Variants in MYT1 observed in about 807,000 individuals in gnomAD.
MYT1 encodes the protein myelin transcription factor 1, also known as myelin transcription factor I.
MYT1 carries 23 observed loss-of-function variants against 123.0 expected under a neutral mutation model. The observed-to-expected ratio is 0.19, with a 90% CI of 0.13 to 0.26. MYT1 has a LOEUF of 0.26. Ranked by LOEUF, MYT1 falls within the 10% of genes least tolerant of loss-of-function variation. The pLI is 1.00. For synonymous variants in MYT1, 518 were observed against 575.3 expected (o/e 0.90, Z 1.43); for missense variants, 1,125 against 1,472.5 (o/e 0.76, Z 3.86).
rs370390414 is a variant in MYT1, at chr20:64,220,716, C to G, written c.2241+734C>G. 1.7e-3 allele frequency among the ~76,000 whole-genome samples: 262 copies of G among 152,326 alleles called. 15 individuals are homozygous for G. In the South Asian group the frequency reaches 0.053, roughly 31 times the overall value. ...TCCCTCTCCTTCCCCTCCCCCAAAG[C>G]CCCTCAGGAGGTGGAAGGGGTCCCT... On this transcript the variant is annotated intron_variant, in intron 13 of 22. Transcript: ENST00000328439.
chr20:64,193,379 C>T lies in MYT1; in HGVS notation c.-1+3219C>T, dbSNP rs1187397000. ...AGGGCTGTGGATGCAGCAGAAGATC[C>T]TCCTGGGATACTCGGGAGGGGAGCA... On this transcript the variant is annotated intron_variant, in intron 2 of 22. Coordinates refer to ENST00000328439, the MANE Select transcript of MYT1 (RefSeq NM_004535.3). The surrounding 1 kb of genome is among the most constrained non-coding windows in gnomAD (Gnocchi z 4.0). 1.3e-5 allele frequency among the ~76,000 whole-genome samples: 2 copies of T among 152,120 alleles called. No individual in the cohort carries two copies. Among genetic ancestry groups the T allele is most frequent in the Non-Finnish European group, 2.9e-5 (2 of 68,016 alleles).
At position 64,212,209 on chromosome 20, in the gene MYT1, T is replaced by G. The variant is rs1167171847; in HGVS notation, c.1517+71T>G. 93 of 33,684 alleles carry G rather than the reference T, an allele frequency of 2.8e-3. 1 individual carries two copies. The highest frequency in any genetic ancestry group is 9.8e-3 in the East Asian group (5 of 508). The allele number at this position is 33,684 out of a possible 1,614,324, so 2.1% of individuals were successfully genotyped here. ...GTGGTGGGGGCCAGGGTGGGGGCCG[T>G]GGTGGGGGCCAGGGTGGGGGCCGTG... On this transcript the variant is annotated intron_variant, in intron 9 of 22. Transcript: ENST00000328439. The surrounding 1 kb of genome is among the most constrained non-coding windows in gnomAD (Gnocchi z 6.8).
At position 64,203,785 on chromosome 20, in the gene MYT1, G is replaced by A. The variant is rs1983396522; in HGVS notation, c.87-1250G>A. 6.6e-6 allele frequency among the ~76,000 whole-genome samples: 1 copy of A among 152,222 alleles called. No individual in the cohort carries two copies. On this transcript the variant is annotated intron_variant, in intron 4 of 22. Coordinates refer to ENST00000328439, the MANE Select transcript of MYT1 (RefSeq NM_004535.3). The surrounding 1 kb of genome is among the most constrained non-coding windows in gnomAD (Gnocchi z 5.1). ...TCTGCAGTCAGGCCTGTGATCAGTC[G>A]AATTAGAAACGATCAGAGGTGTCTG...
In MYT1 at chr20:64,241,391, A is replaced by T. The variant is rs2145740724; in HGVS notation, c.*943A>T. The T allele has an allele frequency of 6.6e-6, 1 of 152,660 alleles. No homozygotes were observed. Among genetic ancestry groups the T allele is most frequent in the Non-Finnish European group, 1.5e-5 (1 of 68,038 alleles). The allele number at this position is 152,660 out of a possible 1,614,324, so 9.5% of individuals were successfully genotyped here. ...TTTAGATCCATCCAATATGCGAAAA[A>T]AGGGTACATTTTAATTTAATGTGTT... On this transcript the variant is annotated 3_prime_UTR_variant, in exon 23 of 23. Transcript: ENST00000328439. The surrounding 1 kb of genome is among the most constrained non-coding windows in gnomAD (Gnocchi z 4.2).
In MYT1 at chr20:64,225,012, C is replaced by T. The variant is rs545655950; in HGVS notation, c.2528+1653C>T. On this transcript the variant is annotated intron_variant, in intron 16 of 22. Transcript: ENST00000328439. ...TAACGCCAAACTTCTTTAGAAATAA[C>T]GACCAAAAGCCTCCCCTGTGTGAAA... is the stretch of plus-strand genomic sequence containing the variant. Among the ~76,000 whole-genome samples the T allele has an allele frequency of 1.1e-4, 17 of 152,276 alleles. 1 individual carries two copies. The South Asian group carries it at 1.7e-3, about 15-fold the overall frequency.
At chr20:64,226,588 G>C (rs969214181) in intron 16 of MYT1, among the ~76,000 whole-genome samples, 4 of 152,140 alleles carry the variant, frequency 2.6e-5, no homozygotes, top group Non-Finnish European at 5.9e-5. Flanking sequence ...GACGGGGGAT[G>C]GATCTACCCG....
chr20:64,219,659 G>A (rs1983938015), intron 12 of MYT1, 54 bp from the exon 13 acceptor site: 2 of 1,467,512 alleles, frequency 1.4e-6, no homozygotes, highest in Non-Finnish European at 1.9e-6. Flanking sequence ...TGGACCAGAA[G>A]GCACACATGG....
rs1486235952 is a variant in MYT1 at position 64,236,611 on chromosome 20, A to C, written c.2954A>C (p.Asp985Ala). Reference sequence around the variant, plus strand: ...GGAAAGAAGGGAAAACTGTCAGGGGATGAGGTCCTCAGTCCAAAGTTCAAG... The same window carrying C: ...GGAAAGAAGGGAAAACTGTCAGGGGCTGAGGTCCTCAGTCCAAAGTTCAAG... ...FAGKKGKLSG[D>A]EVLSPKFKTS... Residue 985 changes from aspartate to alanine, a missense_variant, in exon 20 of 23, where the codon GAT (aspartate) becomes GCT (alanine). This residue lies in a region of MYT1 where 243 missense variants were observed against 323.1 expected (regional missense o/e 0.75). Transcript: ENST00000328439. 1.2e-6 allele frequency: 2 copies of C among 1,613,722 alleles called. No homozygotes were observed. Among genetic ancestry groups the C allele is most frequent in the South Asian group, 2.2e-5 (2 of 91,084 alleles).
In MYT1 at chr20:64,232,130, G is replaced by A. The variant is rs772255645; in HGVS notation, c.2676-34G>A. The A allele has an allele frequency of 9.4e-6, 15 of 1,604,158 alleles. No individual in the cohort carries two copies. Among genetic ancestry groups the A allele is most frequent in the South Asian group, 2.2e-5 (2 of 90,912 alleles). ...TCCAGGCTTCTCCTCCCAACCCTTC[G>A]CCCCTGTACTCACCCCGGCCTCTCT... is the stretch of plus-strand genomic sequence containing the variant. On this transcript the variant is annotated intron_variant, in intron 18 of 22. Transcript: ENST00000328439. This position sits in a 1 kb window ranked among gnomAD's most constrained non-coding sequence, Gnocchi z 6.9.
intron 1 of MYT1, among the ~76,000 whole-genome samples, 200 bp downstream of exon 1, chr20:64,164,939 G>A (rs1982038884): frequency 6.6e-6 from 1 of 152,048 alleles, no homozygotes; most frequent in Admixed American, 6.6e-5. Flanking sequence ...CTGGCCTGCC[G>A]TGTGCTGTTT....
Position 64,212,771 on chromosome 20 carries a change from A to G in MYT1, c.1517+633A>G, listed in dbSNP as rs937562592. ...AGCTTCCCGACCACCCTCGAGGTGT[A>G]GTTGTTGACTGGTCTTCTATGGTGA... is the stretch of plus-strand genomic sequence containing the variant. On this transcript the variant is annotated intron_variant, in intron 9 of 22. Transcript: ENST00000328439. This position sits in a 1 kb window ranked among gnomAD's most constrained non-coding sequence, Gnocchi z 6.8. 1.3e-5 allele frequency among the ~76,000 whole-genome samples: 2 copies of G among 151,838 alleles called. No individual in the cohort carries two copies. Among genetic ancestry groups the G allele is most frequent in the East Asian group, 1.9e-4 (1 of 5,150 alleles).
chr20:64,200,878 G>C lies in MYT1; in HGVS notation c.86+956G>C, dbSNP rs546972378. ...CGTGTGCCAGCACTTCCGGTCTGGG[G>C]TCCTCAGCATCACACCGGGTGCTCC... is the stretch of plus-strand genomic sequence containing the variant. On this transcript the variant is annotated intron_variant, in intron 4 of 22. Transcript: ENST00000328439. 3.3e-5 allele frequency among the ~76,000 whole-genome samples: 5 copies of C among 152,336 alleles called. No homozygotes were observed. The South Asian group carries it at 1.0e-3, about 32-fold the overall frequency.
At chr20:64,210,086 T>G (rs1478690498) in intron 7 of MYT1, among the ~76,000 whole-genome samples, 1 of 152,074 alleles carries the variant, frequency 6.6e-6, no homozygotes, top group Non-Finnish European at 1.5e-5. Flanking sequence ...CAGAATTTGG[T>G]GGGACACATA....
In MYT1 at chr20:64,202,753, G is replaced by A. The variant is rs1417943109; in HGVS notation, c.87-2282G>A. 6.6e-6 allele frequency among the ~76,000 whole-genome samples: 1 copy of A among 152,182 alleles called. No homozygotes were observed. Among genetic ancestry groups the A allele is most frequent in the Admixed American group, 6.5e-5 (1 of 15,286 alleles). ...TGTCATGCAGGATGCCAGCTGAGGGGTGACTGTGGGCCACACCCTCTTCCC... is the reference window on the plus strand; with the variant it reads ...TGTCATGCAGGATGCCAGCTGAGGGATGACTGTGGGCCACACCCTCTTCCC... On this transcript the variant is annotated intron_variant, in intron 4 of 22. Coordinates refer to ENST00000328439, the MANE Select transcript of MYT1 (RefSeq NM_004535.3). This position sits in a 1 kb window ranked among gnomAD's most constrained non-coding sequence, Gnocchi z 5.0.
At chr20:64,209,620 A>G (rs1023846694) in intron 7 of MYT1, among the ~76,000 whole-genome samples, 1 of 152,100 alleles carries the variant, frequency 6.6e-6, no homozygotes, top group African/African-American at 2.4e-5. Flanking sequence ...ATGGGAGATG[A>G]CTCAGGTGCT....
intron 2 of MYT1, among the ~76,000 whole-genome samples, chr20:64,197,810 G>A (rs530661375): frequency 2.4e-4 from 37 of 152,302 alleles, no homozygotes; most frequent in South Asian, 2.1e-3. Flanking sequence ...CTCCCTCGCC[G>A]GACAATGCTG....
intron 1 of MYT1, among the ~76,000 whole-genome samples, chr20:64,170,935 A>AGAGAGAGAGAGAGT (rs1982259402): frequency 8.3e-6 from 1 of 120,590 alleles, no homozygotes; most frequent in Non-Finnish European, 1.7e-5. Flanking sequence ...AGAGAGAGAG[A>AGAGAGAGAGAGAGT]CGGAGTCTTG....
rs200309118 is a variant in MYT1, at chr20:64,240,452, G to A, written c.*4G>A. ...TGTGAGGGGCATCCAGGTCTAGGCC[G>A]TGTGGTACCCAGAAGTGTCCCAGCC... On this transcript the variant is annotated 3_prime_UTR_variant, in exon 23 of 23. Coordinates refer to ENST00000328439, the MANE Select transcript of MYT1 (RefSeq NM_004535.3). 412 of 1,611,194 alleles carry A rather than the reference G, an allele frequency of 2.6e-4. No individual in the cohort carries two copies. Among genetic ancestry groups the A allele is most frequent in the Non-Finnish European group, 3.3e-4 (394 of 1,179,170 alleles).
rs1982028510 is a variant in MYT1, at chr20:64,164,602, C to G, written c.-236C>G. 6.6e-6 allele frequency: 1 copy of G among 152,216 alleles called. No individual in the cohort carries two copies. Among genetic ancestry groups the G allele is most frequent in the African/African-American group, 2.4e-5 (1 of 41,452 alleles). The allele number at this position is 152,216 out of a possible 1,614,324, so 9.4% of individuals were successfully genotyped here. A position where few individuals can be genotyped will look rare whatever the true frequency, so the allele number is the denominator to read the frequency against. On this transcript the variant is annotated 5_prime_UTR_variant, in exon 1 of 23. Transcript: ENST00000328439. ...TTAATTGAAACCCGCACGCAGGCTT[C>G]CCCACATGTGACCGCTGTACGGGAG... is the stretch of plus-strand genomic sequence containing the variant.
Sources: allele counts gnomAD v4.1 joint callset (sites outside exome capture counted in the v4.1 genomes callset), GRCh38; gene constraint gnomAD v4.1.1; regional missense constraint gnomAD v4.1.1; non-coding constraint Gnocchi (gnomAD v3.1); transcripts MANE v1.5; gene names NCBI Gene and HGNC (gene_info 2026-07-23, HGNC 2026-07-21).